GABRA3: variants seen among roughly 807,000 people sequenced by gnomAD.
GABRA3 encodes the protein gamma-aminobutyric acid type A receptor subunit alpha3.
In GABRA3, 10 loss-of-function variants were observed where a neutral mutation model predicts 30.1. The observed-to-expected ratio is 0.33, with a 90% CI of 0.20 to 0.56. GABRA3 has a LOEUF of 0.56. GABRA3 is among the 20% of genes least tolerant of loss of function. GABRA3 has a pLI of 0.89. For missense variants in GABRA3, 233 were observed against 392.0 expected (o/e 0.59, Z 3.42); for synonymous variants, 151 against 146.8 (o/e 1.03, Z -0.21).
At chrX:152,323,032 T>C (rs1472943628) in intron 3 of GABRA3, among the ~76,000 whole-genome samples, 1 of 108,115 alleles carries the variant, frequency 9.2e-6, no homozygotes, top group Non-Finnish European at 1.9e-5. Flanking sequence ...TTTGTATTTT[T>C]AGTAGAGACG....
intron 1 of GABRA3, among the ~76,000 whole-genome samples, chrX:152,370,069 CAAT>C (rs1331426700): frequency 9.0e-6 from 1 of 111,251 alleles, no homozygotes; most frequent in Non-Finnish European, 1.9e-5. Flanking sequence ...TAAAGGCTGT[CAAT>C]ATTATATAAG....
intron 6 of GABRA3, among the ~76,000 whole-genome samples, chrX:152,221,397 AC>A (rs926547050): frequency 9.0e-5 from 10 of 111,616 alleles, no homozygotes; most frequent in Non-Finnish European, 9.4e-5. Context: ...CTACTTTGCA[AC>A]AATAATACCT....
intron 3 of GABRA3, among the ~76,000 whole-genome samples, chrX:152,339,262 C>T (rs1333570374): frequency 1.8e-5 from 2 of 108,741 alleles, no homozygotes; most frequent in Non-Finnish European, 3.8e-5. Flanking sequence ...GAGTCTTGCT[C>T]TGTCGCCCAG....
intron 3 of GABRA3, among the ~76,000 whole-genome samples, chrX:152,316,809 T>C (rs1343278811): frequency 8.0e-5 from 9 of 111,933 alleles, no homozygotes; most frequent in Non-Finnish European, 5.6e-5. Flanking sequence ...AAACAAATGC[T>C]GAGATAATTC....
At chrX:152,392,595 C>A (rs1021188436) in intron 1 of GABRA3, among the ~76,000 whole-genome samples, 7 of 111,239 alleles carry the variant, frequency 6.3e-5, no homozygotes, top group Admixed American at 2.9e-4. Flanking sequence ...TAAGTGGAGA[C>A]CTCATAGATG....
At chrX:152,398,742 CAATA>C (rs1358372747) in intron 1 of GABRA3, among the ~76,000 whole-genome samples, 1 of 111,127 alleles carries the variant, frequency 9.0e-6, no homozygotes, top group Non-Finnish European at 1.9e-5. Flanking sequence ...TTGCACATAC[CAATA>C]AATAAATACA....
intron 6 of GABRA3, among the ~76,000 whole-genome samples, chrX:152,217,334 G>T (rs1374065475): frequency 9.0e-6 from 1 of 111,322 alleles, no homozygotes; most frequent in East Asian, 2.8e-4. Context: ...TAAGTTGCTT[G>T]AATCCGTTGC....
chrX:152,274,019 T>C (rs1938996629), intron 4 of GABRA3, among the ~76,000 whole-genome samples: 1 of 111,466 alleles, frequency 9.0e-6, no homozygotes, highest in African/African-American at 3.3e-5. Flanking sequence ...AGTACTGTGA[T>C]GGACAAATAT....
At chrX:152,319,068 A>C (rs757430691) in intron 3 of GABRA3, among the ~76,000 whole-genome samples, 1 of 111,776 alleles carries the variant, frequency 8.9e-6, no homozygotes, top group Admixed American at 9.5e-5. Context: ...ATATGATCAT[A>C]TGCCAAGAAG....
At chrX:152,189,449 C>T (rs1390940069) in intron 9 of GABRA3, among the ~76,000 whole-genome samples, 1 of 111,863 alleles carries the variant, frequency 8.9e-6, no homozygotes, top group African/African-American at 3.3e-5. Context: ...CTTTGAGTGA[C>T]TTTGTAAGTA....
At chrX:152,305,958 C>A (rs780804241) in intron 3 of GABRA3, among the ~76,000 whole-genome samples, 1 of 111,122 alleles carries the variant, frequency 9.0e-6, no homozygotes, top group African/African-American at 3.3e-5. Flanking sequence ...TACAGGTTAT[C>A]CAGCTGTAAA....
At chrX:152,313,983 A>G (rs1939835290) in intron 3 of GABRA3, among the ~76,000 whole-genome samples, 1 of 111,343 alleles carries the variant, frequency 9.0e-6, no homozygotes, top group African/African-American at 3.3e-5. Flanking sequence ...GGAACACAGG[A>G]CCATCATAAT....
chrX:152,418,145 G>A (rs781036561), intron 1 of GABRA3, among the ~76,000 whole-genome samples: 2 of 111,371 alleles, frequency 1.8e-5, no homozygotes, highest in Admixed American at 9.6e-5. Context: ...TCAGATACCA[G>A]TAAAGATACA....
chrX:152,355,070 T>C lies in GABRA3; in HGVS notation c.140+9361A>G, dbSNP rs1232767849. On this transcript the variant is annotated intron_variant, in intron 2 of 9. Transcript: ENST00000370314. ...AGATGCTTACAAGCACTGACACCTT[T>C]AGATAGTAGAACCAAGTCAGGCTGT... 3.6e-5 allele frequency among the ~76,000 whole-genome samples: 4 copies of C among 111,154 alleles called. No individual in the cohort carries two copies. In the East Asian group the frequency reaches 1.1e-3, roughly 32 times the overall value.
intron 9 of GABRA3, among the ~76,000 whole-genome samples, chrX:152,176,095 A>G (rs1603197314): frequency 9.3e-6 from 1 of 107,444 alleles, no homozygotes; most frequent in Admixed American, 1.0e-4. Context: ...TAAATAAATA[A>G]ATAAATAAAT....
rs1385321408 is a variant in GABRA3, at chrX:152,416,740, T to C, written c.-27+34406A>G. Among the ~76,000 whole-genome samples the C allele has an allele frequency of 5.4e-3, 597 of 110,868 alleles. 3 individuals carry two copies. The highest frequency in any genetic ancestry group is 0.019 in the African/African-American group (565 of 30,519). On this transcript the variant is annotated intron_variant, in intron 1 of 9. Coordinates refer to ENST00000370314, the MANE Select transcript of GABRA3 (RefSeq NM_000808.4). The stretch of plus-strand genomic sequence containing the variant: ...ACACCACATATCTACAACTATCTGA[T>C]CTTTGACAAACCTGAGAAAAACAAG...
intron 1 of GABRA3, among the ~76,000 whole-genome samples, chrX:152,376,611 G>A (rs1231880035): frequency 1.8e-5 from 2 of 110,937 alleles, no homozygotes; most frequent in East Asian, 5.7e-4. Context: ...TTCTTCCACT[G>A]TAAGAGAAAT....
At chrX:152,288,322 A>G (rs942757011) in intron 3 of GABRA3, among the ~76,000 whole-genome samples, 1 of 112,146 alleles carries the variant, frequency 8.9e-6, no homozygotes, top group Non-Finnish European at 1.9e-5. Context: ...AATATGATAC[A>G]GTAGTTAAAA....
At chrX:152,390,244 T>A (rs1368510586) in intron 1 of GABRA3, among the ~76,000 whole-genome samples, 1 of 111,933 alleles carries the variant, frequency 8.9e-6, no homozygotes, top group East Asian at 2.8e-4. Flanking sequence ...CTATAAAGTG[T>A]ATGCTGAGAG....
Sources: gnomAD v4.1 joint callset for allele counts (sites outside exome capture counted in the v4.1 genomes callset) on GRCh38, gnomAD v4.1.1 for gene constraint, MANE v1.5 for transcripts, NCBI Gene and HGNC (gene_info 2026-07-23, HGNC 2026-07-21) for gene names.